DAB1: variants seen among roughly 807,000 people sequenced by gnomAD.
DAB1 encodes the protein disabled homolog 1.
DAB1 carries 15 observed loss-of-function variants against 64.6 expected under a neutral mutation model. That is an observed-to-expected ratio of 0.23 (90% CI 0.16 to 0.36). The LOEUF (loss-of-function observed/expected upper bound fraction) is 0.36, where lower values mean the gene tolerates loss of function less well. DAB1 is among the 10% of genes least tolerant of loss of function. The pLI, the probability that DAB1 is intolerant of heterozygous loss-of-function variation, is 1.00. For synonymous variants in DAB1, 235 were observed against 251.9 expected (o/e 0.93, Z 0.64); for missense variants, 596 against 706.7 (o/e 0.84, Z 1.78).
chr1:58,044,541 A>T (rs1482074767), intron 5 of DAB1, among the ~76,000 whole-genome samples: 1 of 152,058 alleles, frequency 6.6e-6, no homozygotes, highest in East Asian at 1.9e-4. Context: ...TTAGACAAAG[A>T]GAAAAGGAGA....
chr1:58,261,772 G>A (rs1019702288), intron 4 of DAB1, among the ~76,000 whole-genome samples: 1 of 152,158 alleles, frequency 6.6e-6, no homozygotes, highest in East Asian at 1.9e-4. Context: ...GCCCAGGCTG[G>A]TCTTGAACTC....
rs1490595379 is a variant in DAB1 at position 58,473,548 on chromosome 1, ATAAATAAAT to A, written n.257+32503_257+32511del. On this transcript the variant is annotated intron_variant and non_coding_transcript_variant, in intron 3 of 20. Transcript: ENST00000485760. ...CAGAGCAAGACTCCGTCTCAAAAAA[ATAAATAAAT>A]AAATAAATAAATAAATAAATAAATA... Among the ~76,000 whole-genome samples the A allele has an allele frequency of 7.9e-4, 95 of 120,020 alleles. 2 individuals carry two copies. In the East Asian group the frequency reaches 8.0e-3, roughly 10 times the overall value. 78.7% of individuals were successfully genotyped at this position (120,020 alleles called of 152,430 possible).
exon 2 of DAB1, chr1:57,826,142 T>C (rs1478621417): frequency 1.3e-5 from 2 of 152,258 alleles, no homozygotes; most frequent in Admixed American, 1.3e-4. Context: ...ATCAGTCTGA[T>C]TAACTATCCG....
At chr1:57,685,474 A>T (rs187461543) in intron 6 of DAB1, among the ~76,000 whole-genome samples, 1 of 152,302 alleles carries the variant, frequency 6.6e-6, no homozygotes, top group African/African-American at 2.4e-5. Flanking sequence ...CAGAGACTTC[A>T]ACAACCCATT....
At chr1:58,384,080 T>A (rs1644413057) in intron 3 of DAB1, among the ~76,000 whole-genome samples, 2 of 152,078 alleles carry the variant, frequency 1.3e-5, no homozygotes, top group Non-Finnish European at 2.9e-5. Flanking sequence ...ATAGTAGCCA[T>A]TGAAACTGAT....
At chr1:57,746,017 G>T (rs975067856) in intron 6 of DAB1, among the ~76,000 whole-genome samples, 1 of 152,138 alleles carries the variant, frequency 6.6e-6, no homozygotes, top group Non-Finnish European at 1.5e-5. Context: ...ACATGTTTCA[G>T]ATCTCACCAT....
intron 7 of DAB1, among the ~76,000 whole-genome samples, chr1:57,513,621 T>C (rs980064040): frequency 6.6e-6 from 1 of 152,198 alleles, no homozygotes; most frequent in Non-Finnish European, 1.5e-5. Flanking sequence ...TTGAAATATG[T>C]ATACATTGTG....
intron 1 of DAB1, among the ~76,000 whole-genome samples, chr1:57,879,503 C>T (rs1284498173): frequency 6.6e-6 from 1 of 152,158 alleles, no homozygotes; most frequent in East Asian, 1.9e-4. Flanking sequence ...ATGCGATTTA[C>T]TCACTCAAGG....
upstream of DAB1, among the ~76,000 whole-genome samples, chr1:57,424,231 C>G (rs900379275): frequency 2.0e-5 from 3 of 150,846 alleles, no homozygotes; most frequent in Admixed American, 6.6e-5. Context: ...GGCCGTGAGC[C>G]CCTCGCCCCG....
intron 6 of DAB1, among the ~76,000 whole-genome samples, chr1:57,697,846 A>G (rs1278011271): frequency 1.3e-5 from 2 of 152,052 alleles, no homozygotes; most frequent in African/African-American, 4.8e-5. Context: ...TCACTCAAAT[A>G]CCTCCAGGGT....
At chr1:57,646,202 C>G (rs1397089684) in intron 7 of DAB1, among the ~76,000 whole-genome samples, 2 of 152,080 alleles carry the variant, frequency 1.3e-5, no homozygotes, top group South Asian at 2.1e-4. Flanking sequence ...CTCAATTATG[C>G]CAATTGAAGA....
intron 6 of DAB1, among the ~76,000 whole-genome samples, chr1:57,733,449 T>C (rs1003934959): frequency 6.6e-6 from 1 of 152,080 alleles, no homozygotes; most frequent in African/African-American, 2.4e-5. Context: ...ATTTTCCATA[T>C]ATGAAAGAAT....
At chr1:57,244,637 A>T (rs967093351) in intron 2 of DAB1, among the ~76,000 whole-genome samples, 4 of 152,222 alleles carry the variant, frequency 2.6e-5, no homozygotes, top group African/African-American at 9.6e-5. Context: ...TCTGCAAATT[A>T]GGGAAACAGG....
At chr1:57,485,446 T>C (rs1381717968) in intron 7 of DAB1, among the ~76,000 whole-genome samples, 1 of 152,218 alleles carries the variant, frequency 6.6e-6, no homozygotes, top group African/African-American at 2.4e-5. Flanking sequence ...ATAATGCATG[T>C]AAAATGCTTA....
At chr1:57,562,682 A>G (rs1370401481) in intron 7 of DAB1, among the ~76,000 whole-genome samples, 1 of 152,186 alleles carries the variant, frequency 6.6e-6, no homozygotes, top group Non-Finnish European at 1.5e-5. Flanking sequence ...CATCACCCCT[A>G]GTGATCCACT....
At chr1:57,868,390 C>T (rs1453812917) in intron 1 of DAB1, among the ~76,000 whole-genome samples, 1 of 152,082 alleles carries the variant, frequency 6.6e-6, no homozygotes, top group Non-Finnish European at 1.5e-5. Flanking sequence ...TTCCTGTTGT[C>T]ACTTCTGCTG....
chr1:57,257,671 T>G (rs554526092), intron 2 of DAB1, among the ~76,000 whole-genome samples: 7 of 152,338 alleles, frequency 4.6e-5, no homozygotes, highest in African/African-American at 1.7e-4. Context: ...CTCAAGGTTT[T>G]GGAGGCCAGG....
intron 5 of DAB1, among the ~76,000 whole-genome samples, chr1:57,925,922 C>T (rs1644872793): frequency 6.6e-6 from 1 of 152,188 alleles, no homozygotes; most frequent in Admixed American, 6.5e-5. Flanking sequence ...CTTGGGCCTA[C>T]CCTGACTTCC....
At chr1:57,040,453 C>T (rs1647614327) in intron 9 of DAB1, among the ~76,000 whole-genome samples, 1 of 152,170 alleles carries the variant, frequency 6.6e-6, no homozygotes, top group Non-Finnish European at 1.5e-5. Flanking sequence ...AATTTACACA[C>T]TCGTAGAAGC....
Sources: gnomAD v4.1 joint callset for allele counts (sites outside exome capture counted in the v4.1 genomes callset) on GRCh38, gnomAD v4.1.1 for gene constraint, MANE v1.5 for transcripts, NCBI Gene and HGNC (gene_info 2026-07-23, HGNC 2026-07-21) for gene names.